The following ANKIB1 variants were observed in gnomAD, a reference collection of about 807,000 sequenced individuals.
ANKIB1 encodes the protein ankyrin repeat and IBR domain containing 1.
Under a neutral mutation model 122.1 loss-of-function variants are expected in ANKIB1, and 43 were observed. The ratio of observed to expected loss-of-function variants is 0.35; its 90% CI spans 0.28 to 0.45. The LOEUF is 0.45. Among genes scored for constraint, ANKIB1 ranks in the 20% least tolerant of loss-of-function variants. The pLI, the probability that ANKIB1 is intolerant of heterozygous loss-of-function variation, is 1.00. For synonymous variants in ANKIB1, 390 were observed against 442.0 expected, an observed-to-expected ratio of 0.88 and a Z score of 1.48; for missense variants, 992 against 1,329.5, an observed-to-expected ratio of 0.75 and a Z score of 3.95.
intron 10 of ANKIB1, among the ~76,000 whole-genome samples, chr7:92,371,152 A>G (rs1383571791): frequency 6.7e-6 from 1 of 150,348 alleles, no homozygotes; most frequent in Non-Finnish European, 1.5e-5. Context: ...TACAATAGTT[A>G]TTTTAAATGG....
At chr7:92,388,901 G>A (rs1804725345) in intron 14 of ANKIB1, among the ~76,000 whole-genome samples, 1 of 152,084 alleles carries the variant, frequency 6.6e-6, no homozygotes, top group South Asian at 2.1e-4. Context: ...CTTCATTAAT[G>A]ATATAACTAT....
intron 4 of ANKIB1, chr7:92,320,021 A>G (rs1269305166): frequency 6.6e-6 from 1 of 152,432 alleles, no homozygotes; most frequent in African/African-American, 2.4e-5. Flanking sequence ...TTTACTTACA[A>G]ATAAATAAGG....
intron 1 of ANKIB1, among the ~76,000 whole-genome samples, chr7:92,292,988 G>T (rs942353773): frequency 6.6e-6 from 1 of 152,014 alleles, no homozygotes; most frequent in African/African-American, 2.4e-5. Context: ...CAATAATAAC[G>T]CTTAAAAAAC....
At chr7:92,300,037 GC>G (rs1802430513) in intron 2 of ANKIB1, among the ~76,000 whole-genome samples, 2 of 152,072 alleles carry the variant, frequency 1.3e-5, no homozygotes, top group Non-Finnish European at 2.9e-5. Context: ...GAACTCCTGA[GC>G]TCAAGCAGTC....
At chr7:92,369,021 G>C (rs150117699) in intron 10 of ANKIB1, among the ~76,000 whole-genome samples, 66 of 152,244 alleles carry the variant, frequency 4.3e-4, no homozygotes, top group Non-Finnish European at 5.9e-4. Context: ...GTGCCTCTGA[G>C]CTAACAATAA....
chr7:92,364,738 G>C (rs1314310947), intron 10 of ANKIB1, among the ~76,000 whole-genome samples: 2 of 152,194 alleles, frequency 1.3e-5, no homozygotes, highest in Admixed American at 1.3e-4. Context: ...AAGCCATAAA[G>C]TGTGTTATTT....
chr7:92,253,529 C>G (rs1801373337), intron 1 of ANKIB1, among the ~76,000 whole-genome samples: 1 of 152,348 alleles, frequency 6.6e-6, no homozygotes, highest in African/African-American at 2.4e-5. Flanking sequence ...GCATCTTCAG[C>G]TAGCTTGCAG....
intron 12 of ANKIB1, among the ~76,000 whole-genome samples, 183 bp from the exon 13 acceptor site, chr7:92,387,615 G>C (rs112516651): frequency 0.012 from 1,753 of 150,982 alleles, 29 homozygotes; most frequent in African/African-American, 0.04. Context: ...CAGCCTGGGA[G>C]ACACAGCGAG....
At chr7:92,353,984 C>T (rs1320296275) in intron 9 of ANKIB1, among the ~76,000 whole-genome samples, 8 of 152,120 alleles carry the variant, frequency 5.3e-5, no homozygotes, top group African/African-American at 1.9e-4. Flanking sequence ...TTGCAGAGAT[C>T]AGAGAAAAAT....
chr7:92,386,412 A>T, intron 11 of ANKIB1, 97 bp from the exon 12 acceptor site: 1 of 1,316,904 alleles, frequency 7.6e-7, no homozygotes. Flanking sequence ...TCACACAAGC[A>T]CAATTATTTA....
chr7:92,295,538 T>C (rs940516009), intron 2 of ANKIB1, among the ~76,000 whole-genome samples: 1 of 152,170 alleles, frequency 6.6e-6, no homozygotes, highest in Non-Finnish European at 1.5e-5. Flanking sequence ...ACATTTCAAT[T>C]CTAGAACAGT....
chr7:92,277,776 T>C (rs977140360), intron 1 of ANKIB1, among the ~76,000 whole-genome samples: 1 of 151,620 alleles, frequency 6.6e-6, no homozygotes, highest in African/African-American at 2.4e-5. Context: ...GGGAGACCTC[T>C]TCTCTACTAA....
At chr7:92,377,284 C>T (rs1410240012) in intron 11 of ANKIB1, among the ~76,000 whole-genome samples, 1 of 151,986 alleles carries the variant, frequency 6.6e-6, no homozygotes, top group African/African-American at 2.4e-5. Flanking sequence ...CAGACAGAGA[C>T]AGGAGAATGA....
In ANKIB1 at chr7:92,321,247, A is replaced by C. The variant is rs187353262; in HGVS notation, c.669+1735A>C. 2.4e-3 allele frequency among the ~76,000 whole-genome samples: 361 copies of C among 152,258 alleles called. 2 individuals are homozygous for C. Among genetic ancestry groups the C allele is most frequent in the African/African-American group, 8.2e-3 (339 of 41,544 alleles). Reference sequence around the variant, plus strand: ...TAACATATCCATCCCTAACTCACCTATCATTTTTTAAAGATGAGACATTTG... The same window carrying C: ...TAACATATCCATCCCTAACTCACCTCTCATTTTTTAAAGATGAGACATTTG... On this transcript the variant is annotated intron_variant, in intron 4 of 19. Transcript: ENST00000265742.
chr7:92,251,388 A>G (rs1017864466), intron 1 of ANKIB1, among the ~76,000 whole-genome samples: 2 of 152,220 alleles, frequency 1.3e-5, no homozygotes, highest in African/African-American at 2.4e-5. Flanking sequence ...ATGTAAATCA[A>G]CATATTCAGC....
intron 14 of ANKIB1, among the ~76,000 whole-genome samples, chr7:92,388,853 T>C (rs1169744767): frequency 1.3e-5 from 2 of 152,204 alleles, no homozygotes; most frequent in African/African-American, 4.8e-5. Flanking sequence ...AATATGTCAA[T>C]AGCAGTATAG....
At chr7:92,384,273 A>T (rs997329546) in intron 11 of ANKIB1, among the ~76,000 whole-genome samples, 6 of 152,310 alleles carry the variant, frequency 3.9e-5, no homozygotes, top group African/African-American at 1.4e-4. Context: ...ATGCTCATGG[A>T]TAGGAAGAAT....
At chr7:92,248,882 T>C (rs1801259559) in intron 1 of ANKIB1, among the ~76,000 whole-genome samples, 1 of 134,504 alleles carries the variant, frequency 7.4e-6, no homozygotes, top group African/African-American at 2.7e-5. Context: ...CTTTTTTCTT[T>C]TCTTTCTTTT....
In ANKIB1 at chr7:92,266,690, T is replaced by C. The variant is rs146746573; in HGVS notation, c.-91+20171T>C. On this transcript the variant is annotated intron_variant, in intron 1 of 19. Coordinates refer to ENST00000265742, the MANE Select transcript of ANKIB1 (RefSeq NM_019004.2). ...GTGCTGGGGGAAAAAACTGTAGACC[T>C]CTCTGGGAGTCCACTCATGGGGGTG... Among the ~76,000 whole-genome samples, 9 of 152,208 alleles carry C rather than the reference T, an allele frequency of 5.9e-5. No homozygotes were observed. The East Asian group carries it at 1.7e-3, about 29-fold the overall frequency.
Sources: allele counts gnomAD v4.1 joint callset (sites outside exome capture counted in the v4.1 genomes callset), GRCh38; gene constraint gnomAD v4.1.1; transcripts MANE v1.5; gene names NCBI Gene and HGNC (gene_info 2026-07-23, HGNC 2026-07-21).